Variants in ZNF791 observed in about 807,000 individuals in gnomAD.
ZNF791 encodes the protein zinc finger protein 791.
A neutral mutation model predicts 11.5 loss-of-function variants in ZNF791; 4 were observed. That is an observed-to-expected ratio of 0.35 (90% CI 0.17 to 0.80). The LOEUF (loss-of-function observed/expected upper bound fraction) is 0.80. Ranked by LOEUF, ZNF791 falls within the 30% of genes least tolerant of loss-of-function variation. The pLI is 0.53. For missense variants in ZNF791, 559 were observed against 699.4 expected (o/e 0.80, Z 2.26); for synonymous variants, 212 against 228.1 (o/e 0.93, Z 0.64).
chr19:12,619,185 C>T (rs1380012737), intron 1 of ZNF791, among the ~76,000 whole-genome samples: 1 of 152,046 alleles, frequency 6.6e-6, no homozygotes, highest in Non-Finnish European at 1.5e-5. Flanking sequence ...TCTGAAGCTG[C>T]AGGCTATCCG....
intron 1 of ZNF791, among the ~76,000 whole-genome samples, chr19:12,621,872 A>G (rs1391183533): frequency 7.8e-6 from 1 of 128,980 alleles, no homozygotes; most frequent in East Asian, 2.0e-4. Context: ...CAGCTCATTG[A>G]GAACGGGCCA....
intron 1 of ZNF791, among the ~76,000 whole-genome samples, chr19:12,621,551 TCAGC>T (rs926729845): frequency 1.3e-5 from 2 of 151,684 alleles, no homozygotes; most frequent in African/African-American, 4.9e-5. Context: ...TTCCATTCAG[TCAGC>T]AGAATCTGAG....
In ZNF791 at chr19:12,628,076, A is replaced by T. The variant is rs2023454284; in HGVS notation, c.547A>T (p.Ile183Phe). Residue 183 changes from isoleucine to phenylalanine, a missense_variant, in exon 4 of 4, where the codon ATT (isoleucine) becomes TTT (phenylalanine). By Grantham distance (21) the Ile-to-Phe change is conservative (BLOSUM62 0). Transcript: ENST00000343325. ...QPFQRHERTHIGEKPYECKQC... is the reference protein window; with the variant it reads ...QPFQRHERTHFGEKPYECKQC... Reference sequence around the variant, plus strand: ...CTTTCAAAGACATGAGCGGACTCACATTGGAGAAAAACCCTATGAATGTAA... The same window carrying T: ...CTTTCAAAGACATGAGCGGACTCACTTTGGAGAAAAACCCTATGAATGTAA... 1.2e-6 allele frequency: 2 copies of T among 1,613,826 alleles called. No homozygotes were observed. The highest frequency in any genetic ancestry group is 1.7e-5 in the Admixed American group (1 of 59,932).
chr19:12,617,760 CTTTT>C (rs1019193795), intron 1 of ZNF791, among the ~76,000 whole-genome samples: 4 of 51,688 alleles, frequency 7.7e-5, no homozygotes, highest in African/African-American at 3.2e-4. Context: ...TGCTGGAACT[CTTTT>C]TTTTTTTTTT....
intron 1 of ZNF791, among the ~76,000 whole-genome samples, chr19:12,622,378 TAA>T (rs1170017944): frequency 2.0e-4 from 4 of 20,130 alleles, no homozygotes; most frequent in African/African-American, 6.0e-4. Flanking sequence ...AAATAATAAA[TAA>T]AAAAAATAAT....
intron 1 of ZNF791, among the ~76,000 whole-genome samples, chr19:12,618,808 AGTGTGTGT>A (rs60468264): frequency 0.48 from 68,129 of 143,420 alleles, 16,880 homozygotes; most frequent in Non-Finnish European, 0.57. Context: ...TTTACCTCTC[AGTGTGTGT>A]GTGTGTGTGT....
At chr19:12,624,429 A>G (rs2023398240) in intron 2 of ZNF791, among the ~76,000 whole-genome samples, 1 of 152,098 alleles carries the variant, frequency 6.6e-6, no homozygotes, top group Non-Finnish European at 1.5e-5. Flanking sequence ...TGGGGATTAC[A>G]GGCATGAGCC....
At chr19:12,614,906 T>TTTTTTTTTTTTC (rs2023220599) in intron 1 of ZNF791, among the ~76,000 whole-genome samples, 1 of 131,924 alleles carries the variant, frequency 7.6e-6, no homozygotes, top group Non-Finnish European at 1.6e-5. Flanking sequence ...TTTTTTTTTT[T>TTTTTTTTTTTTC]TTTTTTTTTT....
rs775657314 is a variant in ZNF791 at position 12,627,759 on chromosome 19, G to A, written c.230G>A (p.Gly77Asp). 2 of 1,613,998 alleles carry A rather than the reference G, an allele frequency of 1.2e-6. No homozygotes were observed. Among genetic ancestry groups the A allele is most frequent in the Non-Finnish European group, 1.7e-6 (2 of 1,179,878 alleles). The part of the protein sequence containing the change: ...TGERLCEGKE[G>D]SQCAENFSPN... ...GAGAGACTCTGTGAAGGTAAAGAAG[G>A]TAGTCAATGTGCAGAAAACTTCAGT... Residue 77 changes from glycine (G) to aspartate (D), a missense_variant, in exon 4 of 4, where the codon GGT (glycine) becomes GAT (aspartate). Coordinates refer to ENST00000343325, the MANE Select transcript of ZNF791 (RefSeq NM_153358.3).
At chr19:12,622,573 C>T (rs374426365) in intron 1 of ZNF791, among the ~76,000 whole-genome samples, 2 of 151,538 alleles carry the variant, frequency 1.3e-5, no homozygotes, top group Non-Finnish European at 2.9e-5. Context: ...CACTTGGGGC[C>T]GAGAGTTAAA....
rs547676527 is a variant in ZNF791 at position 12,630,749 on chromosome 19, T to C, written c.*1489T>C. The C allele has an allele frequency of 7.9e-5, 12 of 152,286 alleles. No homozygotes were observed. In the East Asian group the frequency reaches 2.1e-3, roughly 27 times the overall value. 9.4% of individuals were successfully genotyped at this position (152,286 alleles called of 1,614,324 possible). A position where few individuals can be genotyped will look rare whatever the true frequency, so the allele number is the denominator to read the frequency against. ...CCGTGTAGTCCTACACTAATGTGTG[T>C]TTGTGTCTTAGTTAGTCTTTAACAA... is the stretch of plus-strand genomic sequence containing the variant. On this transcript the variant is annotated 3_prime_UTR_variant, in exon 4 of 4. Transcript: ENST00000343325.
intron 1 of ZNF791, among the ~76,000 whole-genome samples, chr19:12,621,773 G>T (rs867447511): frequency 1.3e-3 from 135 of 104,640 alleles, no homozygotes; most frequent in African/African-American, 3.2e-3. Context: ...AGGTGGGGGG[G>T]GTCAGCCCCC....
At chr19:12,623,039 C>T (rs928699606) in intron 1 of ZNF791, among the ~76,000 whole-genome samples, 1 of 152,122 alleles carries the variant, frequency 6.6e-6, no homozygotes, top group African/African-American at 2.4e-5. Flanking sequence ...AGGATTGCTG[C>T]ACTTGAGCCT....
chr19:12,620,610 T>C (rs984568704), intron 1 of ZNF791, among the ~76,000 whole-genome samples: 1 of 152,122 alleles, frequency 6.6e-6, no homozygotes, highest in Non-Finnish European at 1.5e-5. Context: ...TCCTAATTAC[T>C]TAAGAAAACC....
chr19:12,625,155 C>T (rs960449722), intron 3 of ZNF791, among the ~76,000 whole-genome samples: 2 of 151,696 alleles, frequency 1.3e-5, no homozygotes, highest in Non-Finnish European at 2.9e-5. Flanking sequence ...AGGTTTTGCT[C>T]TGTCACTCAG....
rs776386930 is a variant in ZNF791, at chr19:12,610,927, T to C, written c.-153T>C. ...GGTACGGCTACGCTGCGCAAATGCGTGCTACGTCACTGTGCGATCGGGTTG... is the reference window on the plus strand; with the variant it reads ...GGTACGGCTACGCTGCGCAAATGCGCGCTACGTCACTGTGCGATCGGGTTG... On this transcript the variant is annotated 5_prime_UTR_variant, in exon 1 of 4. Coordinates refer to ENST00000343325, the MANE Select transcript of ZNF791 (RefSeq NM_153358.3). The C allele has an allele frequency of 9.1e-7, 1 of 1,098,052 alleles. No individual in the cohort carries two copies. Among genetic ancestry groups the C allele is most frequent in the African/African-American group, 1.5e-5 (1 of 65,140 alleles). The allele number at this position is 1,098,052 out of a possible 1,614,324, so 68.0% of individuals were successfully genotyped here. A position where few individuals can be genotyped will look rare whatever the true frequency, so the allele number is the denominator to read the frequency against.
chr19:12,612,423 T>TTTA (rs1385176883), intron 1 of ZNF791: 1 of 149,296 alleles, frequency 6.7e-6, no homozygotes, highest in East Asian at 1.9e-4. Context: ...TATTTATTTA[T>TTTA]TTATTTATTT....
intron 1 of ZNF791, among the ~76,000 whole-genome samples, chr19:12,621,339 A>AG (rs1288640771): frequency 6.6e-6 from 1 of 152,080 alleles, no homozygotes; most frequent in Non-Finnish European, 1.5e-5. Flanking sequence ...CTAAGTTGTG[A>AG]GGGCCCCTTC....
intron 1 of ZNF791, among the ~76,000 whole-genome samples, chr19:12,621,122 C>T (rs1035186314): frequency 6.6e-6 from 1 of 152,086 alleles, no homozygotes; most frequent in African/African-American, 2.4e-5. Context: ...GCAAATTCAC[C>T]ATCAGACCAT....
Sources: allele counts gnomAD v4.1 joint callset (sites outside exome capture counted in the v4.1 genomes callset), GRCh38; gene constraint gnomAD v4.1.1; transcripts MANE v1.5; gene names NCBI Gene and HGNC (gene_info 2026-07-23, HGNC 2026-07-21).